The following CREBBP variants were observed in gnomAD, a reference collection of about 807,000 sequenced individuals.
CREBBP encodes the protein CREB-binding protein.
Under a neutral mutation model 265.0 loss-of-function variants are expected in CREBBP, and 19 were observed. That is an observed-to-expected ratio of 0.07 (90% CI 0.05 to 0.11). CREBBP has a LOEUF of 0.11. CREBBP is among the 10% of genes least tolerant of loss of function. CREBBP has a pLI of 1.00. For synonymous variants in CREBBP, 1,457 were observed against 1,223.7 expected, an observed-to-expected ratio of 1.19 and a Z score of -3.98; for missense variants, 2,525 against 3,219.0, an observed-to-expected ratio of 0.78 and a Z score of 5.22.
Position 3,725,965 on chromosome 16 carries a change from T to G in CREBBP, c.*1753A>C. The stretch of plus-strand genomic sequence containing the variant: ...ATGGTCCTCCTCTCAGTTTTACGGT[T>G]TTTGTGAACTTGTCTCACCCACTCA... On this transcript the variant is annotated 3_prime_UTR_variant, in exon 31 of 31. Coordinates refer to ENST00000262367, the MANE Select transcript of CREBBP (RefSeq NM_004380.3). 4.3e-6 allele frequency: 1 copy of G among 232,690 alleles called. No homozygotes were observed. Among genetic ancestry groups the G allele is most frequent in the Non-Finnish European group, 8.5e-6 (1 of 117,724 alleles). The allele number at this position is 232,690 out of a possible 1,614,324, so 14.4% of individuals were successfully genotyped here. A position where few individuals can be genotyped will look rare whatever the true frequency, so the allele number is the denominator to read the frequency against.
At chr16:3,834,443 G>C (rs2054402648) in intron 2 of CREBBP, among the ~76,000 whole-genome samples, 1 of 152,172 alleles carries the variant, frequency 6.6e-6, no homozygotes, top group Non-Finnish European at 1.5e-5. Flanking sequence ...AGGCCAATGA[G>C]AAAAGGCTAC....
At chr16:3,844,883 G>A (rs920817876) in intron 2 of CREBBP, among the ~76,000 whole-genome samples, 2 of 152,000 alleles carry the variant, frequency 1.3e-5, no homozygotes, top group East Asian at 1.9e-4. Context: ...AACTTAGTAA[G>A]AAAGATTTAT....
intron 2 of CREBBP, among the ~76,000 whole-genome samples, chr16:3,849,654 A>C (rs2054784962): frequency 6.7e-6 from 1 of 148,524 alleles, no homozygotes; most frequent in Non-Finnish European, 1.5e-5. Flanking sequence ...CACAGGCGTG[A>C]GTCACTGTGT....
intron 1 of CREBBP, among the ~76,000 whole-genome samples, chr16:3,876,417 A>C (rs1286490225): frequency 1.3e-5 from 2 of 149,928 alleles, no homozygotes; most frequent in Non-Finnish European, 3.0e-5. Context: ...AAAAAAAAAA[A>C]AAAAAAAAAC....
At chr16:3,794,331 C>CAAAAAAAAAAAAAAA (rs746656673) in intron 3 of CREBBP, among the ~76,000 whole-genome samples, 1 of 39,614 alleles carries the variant, frequency 2.5e-5, no homozygotes, top group African/African-American at 8.2e-5. Context: ...GACTCCGTCT[C>CAAAAAAAAAAAAAAA]AAAAAAAAAA....
intron 11 of CREBBP, among the ~76,000 whole-genome samples, chr16:3,776,745 G>A (rs2053147946): frequency 6.6e-6 from 1 of 152,146 alleles, no homozygotes; most frequent in African/African-American, 2.4e-5. Flanking sequence ...GGGTGCAGTG[G>A]CTCATGCCTG....
intron 2 of CREBBP, among the ~76,000 whole-genome samples, chr16:3,839,023 A>G (rs1161301092): frequency 6.6e-6 from 1 of 152,256 alleles, no homozygotes; most frequent in Non-Finnish European, 1.5e-5. Context: ...TAAGAATGTT[A>G]CATACACCAT....
intron 2 of CREBBP, chr16:3,813,060 C>A (rs1428157305): frequency 4.4e-5 from 10 of 228,584 alleles, no homozygotes; most frequent in African/African-American, 2.0e-4. Context: ...TCTTTCAGCT[C>A]TAAAAGTCTA....
intron 2 of CREBBP, among the ~76,000 whole-genome samples, chr16:3,814,291 G>C (rs1267356312): frequency 6.7e-6 from 1 of 149,212 alleles, no homozygotes; most frequent in East Asian, 2.0e-4. Context: ...GTCTCGTTCT[G>C]TTGCCTAGGC....
intron 14 of CREBBP, 102 bp from the exon 15 acceptor site, chr16:3,769,455 A>T: frequency 2.1e-6 from 3 of 1,409,924 alleles, no homozygotes; most frequent in East Asian, 2.3e-5. Context: ...AACATTTCTC[A>T]ATACTGATCC....
At chr16:3,830,240 T>C (rs1289384741) in intron 2 of CREBBP, among the ~76,000 whole-genome samples, 2 of 151,786 alleles carry the variant, frequency 1.3e-5, no homozygotes, top group Non-Finnish European at 1.5e-5. Flanking sequence ...CTACTAAAAA[T>C]ACAAAAAAAT....
At chr16:3,826,054 T>C (rs946850303) in intron 2 of CREBBP, among the ~76,000 whole-genome samples, 1 of 152,176 alleles carries the variant, frequency 6.6e-6, no homozygotes, top group African/African-American at 2.4e-5. Flanking sequence ...AATCTCCATC[T>C]CTACAAAAAA....
chr16:3,844,139 C>A, intron 2 of CREBBP, among the ~76,000 whole-genome samples: 1 of 121,368 alleles, frequency 8.2e-6, no homozygotes, highest in Non-Finnish European at 1.6e-5. Context: ...CAGAGCGAGA[C>A]TCCGTCTCAA....
intron 2 of CREBBP, among the ~76,000 whole-genome samples, chr16:3,822,462 T>C (rs2054159628): frequency 6.6e-6 from 1 of 152,162 alleles, no homozygotes; most frequent in African/African-American, 2.4e-5. Flanking sequence ...TCCTCTACTT[T>C]GGGGCAGGAA....
intron 5 of CREBBP, among the ~76,000 whole-genome samples, chr16:3,790,240 A>G (rs1163123326): frequency 1.3e-5 from 2 of 152,180 alleles, no homozygotes; most frequent in Non-Finnish European, 2.9e-5. Flanking sequence ...ACTGTCCCAA[A>G]TATCTGGTTC....
chr16:3,782,602 A>G, intron 6 of CREBBP, 82 bp downstream of exon 6: 1 of 1,543,754 alleles, frequency 6.5e-7, no homozygotes. Flanking sequence ...AAACAAACTG[A>G]AAACTGCCTT....
Position 3,850,199 on chromosome 16 carries a change from A to G in CREBBP, c.798+98T>C, listed in dbSNP as rs13338617. 2.6e-3 allele frequency: 3,168 copies of G among 1,235,978 alleles called. 72 individuals are homozygous for G. The African/African-American group carries it at 0.04, about 16-fold the overall frequency. The allele number at this position is 1,235,978 out of a possible 1,614,324, so 76.6% of individuals were successfully genotyped here. A position where few individuals can be genotyped will look rare whatever the true frequency, so the allele number is the denominator to read the frequency against. On this transcript the variant is annotated intron_variant, in intron 2 of 30. Transcript: ENST00000262367. ...AGTGGCACGTGGAGAGCCCAAGAGG[A>G]AAAACAGGAGTGGGCCACGTGGTCC...
chr16:3,808,622 C>G (rs1259784563), intron 3 of CREBBP, among the ~76,000 whole-genome samples: 4 of 152,214 alleles, frequency 2.6e-5, no homozygotes, highest in African/African-American at 9.7e-5. Context: ...GCAGTGGAGG[C>G]AGCAGAGGGG....
intron 1 of CREBBP, among the ~76,000 whole-genome samples, chr16:3,851,635 A>G (rs2054839425): frequency 6.6e-6 from 1 of 150,826 alleles, no homozygotes; most frequent in South Asian, 2.1e-4. Flanking sequence ...CAGGCGGATC[A>G]CGAGGTCAGG....
Sources: allele counts gnomAD v4.1 joint callset (sites outside exome capture counted in the v4.1 genomes callset), GRCh38; gene constraint gnomAD v4.1.1; transcripts MANE v1.5; gene names NCBI Gene and HGNC (gene_info 2026-07-23, HGNC 2026-07-21).